NOL4L: variants seen among roughly 807,000 people sequenced by gnomAD.
NOL4L encodes nucleolar protein 4-like.
Under a neutral mutation model 64.5 loss-of-function variants are expected in NOL4L, and 7 were observed. That is an observed-to-expected ratio of 0.11 (90% CI 0.06 to 0.20). NOL4L has a LOEUF of 0.20. Among genes scored for constraint, NOL4L ranks in the 10% least tolerant of loss-of-function variants. The pLI, the probability that NOL4L is intolerant of heterozygous loss-of-function variation, is 1.00. For missense variants in NOL4L, 680 were observed against 967.1 expected, an observed-to-expected ratio of 0.70 and a Z score of 3.94; for synonymous variants, 413 against 401.0, an observed-to-expected ratio of 1.03 and a Z score of -0.36.
At chr20:32,537,066 C>G in intron 1 of NOL4L, 5 of 985,104 alleles carry the variant, frequency 5.1e-6, no homozygotes, top group Non-Finnish European at 6.0e-6. Flanking sequence ...GCCCCGCCCC[C>G]CCGGGACGCT....
Position 32,453,181 on chromosome 20 carries a change from A to G in NOL4L, c.1497+123T>C, listed in dbSNP as rs1383583505. On this transcript the variant is annotated intron_variant, in intron 8 of 10. Coordinates refer to ENST00000621426, the MANE Select transcript of NOL4L (RefSeq NM_001256798.2). This position sits in a 1 kb window ranked among gnomAD's most constrained non-coding sequence, Gnocchi z 5.6. The stretch of plus-strand genomic sequence containing the variant: ...TTCCCTCATTTGCAAACCAGGGATT[A>G]TGGTACTTGCTTCCAGGGCTCCTGG... The G allele has an allele frequency of 1.3e-5, 18 of 1,413,252 alleles. No homozygotes were observed. Among genetic ancestry groups the G allele is most frequent in the Admixed American group, 1.1e-4 (5 of 46,250 alleles). The allele number at this position is 1,413,252 out of a possible 1,614,324, so 87.5% of individuals were successfully genotyped here. A position where few individuals can be genotyped will look rare whatever the true frequency, so the allele number is the denominator to read the frequency against.
At position 32,573,198 on chromosome 20, in the gene NOL4L, A is replaced by G. The variant is rs542136100; in HGVS notation, c.321+11372T>C. Among the ~76,000 whole-genome samples, 14 of 152,136 alleles carry G rather than the reference A, an allele frequency of 9.2e-5. No individual in the cohort carries two copies. In the South Asian group the frequency reaches 2.7e-3, roughly 29 times the overall value. On this transcript the variant is annotated intron_variant, in intron 1 of 10. Transcript: ENST00000621426. ...GCCCAGCTAAGTTTTTTTAGTTATT[A>G]TAGAGACACAGTCTCACTATATTGC... is the stretch of plus-strand genomic sequence containing the variant.
At chr20:32,474,550 A>G (rs1348311010) in intron 5 of NOL4L, 51 bp downstream of exon 5, 1 of 1,572,022 alleles carries the variant, frequency 6.4e-7, no homozygotes, top group Admixed American at 1.8e-5. Flanking sequence ...GACAACTGGG[A>G]GCAGGGGGCC....
rs564168973 is a variant in NOL4L, at chr20:32,462,903, T to TAA, written c.842-6510_842-6509dup. Among the ~76,000 whole-genome samples the TAA allele has an allele frequency of 3.0e-3, 227 of 76,634 alleles. 7 individuals carry two copies. Among genetic ancestry groups the TAA allele is most frequent in the Middle Eastern group, 0.019 (3 of 158 alleles). The allele number at this position is 76,634 out of a possible 152,430, so 50.3% of individuals were successfully genotyped here. A position where few individuals can be genotyped will look rare whatever the true frequency, so the allele number is the denominator to read the frequency against. On this transcript the variant is annotated intron_variant, in intron 5 of 10. Transcript: ENST00000621426. Reference sequence around the variant, plus strand: ...CTGGCGACAAAGCGAGACTCTGTCTTAAAAAAAAAAAAAAAAAAAACTGAT... The same window carrying TAA: ...CTGGCGACAAAGCGAGACTCTGTCTTAAAAAAAAAAAAAAAAAAAAAACTGAT...
rs967018807 is a variant in NOL4L at position 32,527,789 on chromosome 20, T to C, written c.446A>G (p.Lys149Arg). ...GTAGGTTTTCTTCTGCCCAGCGTGC[T>C]TGGGGGCTTTGCCTGGCTCCGCTGA... Reference protein sequence around the residue: ...ESSAEPGKAPKHAGQKKTYRA... With the variant: ...ESSAEPGKAPRHAGQKKTYRA... Residue 149 changes from lysine (K) to arginine (R), a missense_variant, in exon 2 of 11, where the codon AAG becomes AGG. Transcript: ENST00000621426. 2 of 1,550,186 alleles carry C rather than the reference T, an allele frequency of 1.3e-6. No homozygotes were observed. The highest frequency in any genetic ancestry group is 1.4e-5 in the African/African-American group (1 of 73,062).
chr20:32,465,984 T>C (rs973455701), intron 5 of NOL4L, among the ~76,000 whole-genome samples: 1 of 149,692 alleles, frequency 6.7e-6, no homozygotes, highest in Non-Finnish European at 1.5e-5. Context: ...TCCATTCTTT[T>C]TTTTTTTTTT....
intron 2 of NOL4L, among the ~76,000 whole-genome samples, chr20:32,525,841 T>C (rs1025040806): frequency 6.6e-6 from 1 of 152,148 alleles, no homozygotes; most frequent in African/African-American, 2.4e-5. Context: ...CACTGCAACC[T>C]CTGTTTCCTG....
At chr20:32,501,711 A>C (rs1301966011) in intron 4 of NOL4L, among the ~76,000 whole-genome samples, 1 of 152,120 alleles carries the variant, frequency 6.6e-6, no homozygotes, top group Non-Finnish European at 1.5e-5. Context: ...AAAAATACTA[A>C]AAGAAAACAT....
chr20:32,498,084 T>A (rs2016769649), intron 4 of NOL4L, among the ~76,000 whole-genome samples: 1 of 152,200 alleles, frequency 6.6e-6, no homozygotes, highest in South Asian at 2.1e-4. Context: ...CGGAAGGGGC[T>A]CGAGCCTCAA....
chr20:32,566,642 C>T (rs1298599681), intron 1 of NOL4L, among the ~76,000 whole-genome samples: 1 of 152,140 alleles, frequency 6.6e-6, no homozygotes, highest in Non-Finnish European at 1.5e-5. Flanking sequence ...TGTTTTTCCA[C>T]CCAATTCCCG....
chr20:32,546,712 G>T (rs1371879521), intron 1 of NOL4L, among the ~76,000 whole-genome samples: 5 of 152,204 alleles, frequency 3.3e-5, no homozygotes, highest in Non-Finnish European at 5.9e-5. Flanking sequence ...GGGATTACAG[G>T]TGTGAGCCAC....
chr20:32,575,842 G>C (rs952410787), intron 1 of NOL4L, among the ~76,000 whole-genome samples: 5 of 152,200 alleles, frequency 3.3e-5, no homozygotes, highest in Admixed American at 6.5e-5. Context: ...GGCCTCACTG[G>C]GTGATCAAGG....
At position 32,565,945 on chromosome 20, in the gene NOL4L, G is replaced by A. The variant is rs185134960; in HGVS notation, c.321+18625C>T. On this transcript the variant is annotated intron_variant, in intron 1 of 10. Coordinates refer to ENST00000621426, the MANE Select transcript of NOL4L (RefSeq NM_001256798.2). ...ATGTGCCCTGTAGTGCCAGCCACTC[G>A]GGAGGCTGAGGTGGGATGCTTGAGC... Among the ~76,000 whole-genome samples the A allele has an allele frequency of 2.0e-5, 3 of 152,226 alleles. No individual in the cohort carries two copies. The East Asian group carries it at 5.8e-4, about 29-fold the overall frequency.
At position 32,447,623 on chromosome 20, in the gene NOL4L, C is replaced by T. The variant is rs1197604207; in HGVS notation, c.2016G>A (p.Leu672=). The change falls in exon 11 of 11, where the codon CTG becomes CTA. Residue 672 remains leucine, a synonymous_variant. Coordinates refer to ENST00000621426, the MANE Select transcript of NOL4L (RefSeq NM_001256798.2). ...AGTTCTGCTGTAGGATGAGGTTTTCCAGTTCATCTGCAGAGCGCAGCAGGA... is the reference window on the plus strand; with the variant it reads ...AGTTCTGCTGTAGGATGAGGTTTTCTAGTTCATCTGCAGAGCGCAGCAGGA... ...AAFLLRSADE[L]ENLILQQN is the part of the protein sequence containing the mutation. The T allele has an allele frequency of 3.7e-6, 6 of 1,605,596 alleles. No homozygotes were observed. The highest frequency in any genetic ancestry group is 5.1e-6 in the Non-Finnish European group (6 of 1,179,480).
At chr20:32,525,345 T>A (rs1456946101) in intron 2 of NOL4L, among the ~76,000 whole-genome samples, 2 of 152,178 alleles carry the variant, frequency 1.3e-5, no homozygotes, top group Non-Finnish European at 2.9e-5. Flanking sequence ...GTCATAGGGC[T>A]TACTAGCTGA....
At chr20:32,484,375 G>A (rs1423191343) in intron 4 of NOL4L, among the ~76,000 whole-genome samples, 1 of 151,734 alleles carries the variant, frequency 6.6e-6, no homozygotes, top group African/African-American at 2.4e-5. Flanking sequence ...GCTCCTCGGC[G>A]CGCTGCCCAC....
intron 1 of NOL4L, among the ~76,000 whole-genome samples, chr20:32,557,106 C>T (rs1041694110): frequency 1.3e-5 from 2 of 152,202 alleles, no homozygotes; most frequent in Non-Finnish European, 1.5e-5. Flanking sequence ...GTTGAAACAA[C>T]GTTTGTGAAA....
intron 1 of NOL4L, among the ~76,000 whole-genome samples, chr20:32,564,469 C>T (rs767558998): frequency 2.0e-5 from 3 of 152,226 alleles, no homozygotes. Flanking sequence ...AGGATTAGAA[C>T]TCAGCCCATC....
At chr20:32,553,875 C>T (rs1427721605) in intron 1 of NOL4L, among the ~76,000 whole-genome samples, 8 of 152,190 alleles carry the variant, frequency 5.3e-5, no homozygotes, top group African/African-American at 1.7e-4. Flanking sequence ...TTAATAGTGA[C>T]GTGCCTGGAT....
Sources: gnomAD v4.1 joint callset for allele counts (sites outside exome capture counted in the v4.1 genomes callset) on GRCh38, gnomAD v4.1.1 for gene constraint, Gnocchi (gnomAD v3.1) non-coding constraint, MANE v1.5 for transcripts, NCBI Gene and HGNC (gene_info 2026-07-23, HGNC 2026-07-21) for gene names.